RANBP17: variants seen among roughly 807,000 people sequenced by gnomAD.
RANBP17 encodes the protein ran-binding protein 17.
Under a neutral mutation model 141.2 loss-of-function variants are expected in RANBP17, and 158 were observed. That is an observed-to-expected ratio of 1.12 (90% CI 0.98 to 1.28). RANBP17 has a LOEUF of 1.28. Among genes scored for constraint, RANBP17 ranks in the 50% most tolerant of loss-of-function variants. The pLI is 0.00. For synonymous variants in RANBP17, 430 were observed against 450.0 expected (o/e 0.96, Z 0.56); for missense variants, 1,438 against 1,290.7 (o/e 1.11, Z -1.75).
intron 14 of RANBP17, among the ~76,000 whole-genome samples, chr5:171,046,205 CTTTT>C (rs1203505195): frequency 7.6e-6 from 1 of 131,360 alleles, no homozygotes; most frequent in Non-Finnish European, 1.6e-5. Context: ...ATAGTTCTGC[CTTTT>C]TTTTTTTTTT....
chr5:170,885,853 C>T (rs1581052520), intron 3 of RANBP17, among the ~76,000 whole-genome samples: 1 of 143,730 alleles, frequency 7.0e-6, no homozygotes, highest in Admixed American at 7.5e-5. Context: ...TATCTTGAAA[C>T]CCTTCACTCT....
At chr5:170,983,082 T>C (rs1410958571) in intron 14 of RANBP17, 1 of 513,586 alleles carries the variant, frequency 1.9e-6, no homozygotes, top group Admixed American at 2.3e-5. Flanking sequence ...CTGGAGACTG[T>C]ATACTACTCA....
At chr5:171,045,693 T>G (rs1356279947) in intron 14 of RANBP17, among the ~76,000 whole-genome samples, 1 of 152,184 alleles carries the variant, frequency 6.6e-6, no homozygotes, top group Non-Finnish European at 1.5e-5. Context: ...ATTCTTCTTT[T>G]AAAAATTAAT....
At chr5:171,149,568 G>C (rs147746545) in intron 14 of RANBP17, among the ~76,000 whole-genome samples, 7 of 152,166 alleles carry the variant, frequency 4.6e-5, no homozygotes, top group African/African-American at 1.7e-4. Flanking sequence ...GTAAAGACAC[G>C]CTATGATTGC....
intron 4 of RANBP17, among the ~76,000 whole-genome samples, chr5:170,892,868 A>C (rs1458201734): frequency 6.6e-6 from 1 of 152,208 alleles, no homozygotes. Flanking sequence ...TATGTAATTA[A>C]ATGTTCATCA....
intron 14 of RANBP17, among the ~76,000 whole-genome samples, chr5:170,974,169 G>A (rs1267511205): frequency 6.6e-6 from 1 of 152,128 alleles, no homozygotes; most frequent in Non-Finnish European, 1.5e-5. Flanking sequence ...TAAATGAGAT[G>A]TGGTTGAGAC....
chr5:171,186,428 T>A (rs1761240771), intron 18 of RANBP17, among the ~76,000 whole-genome samples: 1 of 151,962 alleles, frequency 6.6e-6, no homozygotes, highest in Admixed American at 6.6e-5. Flanking sequence ...CAACTTTTCT[T>A]CTGCAACTTC....
intron 22 of RANBP17, among the ~76,000 whole-genome samples, chr5:171,235,715 C>T (rs905320028): frequency 1.3e-5 from 2 of 152,096 alleles, no homozygotes; most frequent in African/African-American, 4.8e-5. Flanking sequence ...GATCCTCCCA[C>T]CTCGGCCTCC....
At chr5:171,252,230 TA>T (rs1765618678) in intron 24 of RANBP17, 1 of 1,573,884 alleles carries the variant, frequency 6.4e-7, no homozygotes, top group African/African-American at 1.4e-5. Flanking sequence ...GCTGATATTT[TA>T]CAAGAAGAGA....
At chr5:170,975,910 C>G (rs997801113) in intron 14 of RANBP17, among the ~76,000 whole-genome samples, 1 of 151,770 alleles carries the variant, frequency 6.6e-6, no homozygotes, top group Non-Finnish European at 1.5e-5. Context: ...CTCTTATGAT[C>G]GAGAGTAAGA....
intron 14 of RANBP17, among the ~76,000 whole-genome samples, chr5:171,037,863 T>G (rs1195846831): frequency 1.3e-5 from 2 of 152,172 alleles, no homozygotes; most frequent in African/African-American, 2.4e-5. Context: ...GATGAATGCC[T>G]CCAGATTTGT....
At chr5:171,035,972 A>C (rs909849524) in intron 14 of RANBP17, among the ~76,000 whole-genome samples, 1 of 151,662 alleles carries the variant, frequency 6.6e-6, no homozygotes, top group Admixed American at 6.6e-5. Flanking sequence ...CAGCTTACTA[A>C]ATCTCCACCT....
intron 16 of RANBP17, among the ~76,000 whole-genome samples, chr5:171,172,821 T>A (rs1050745832): frequency 1.3e-5 from 2 of 151,904 alleles, no homozygotes; most frequent in Non-Finnish European, 2.9e-5. Flanking sequence ...CTATTTAAGA[T>A]CTTTTTCTAT....
chr5:171,001,479 A>C (rs1267581310), intron 14 of RANBP17, among the ~76,000 whole-genome samples: 1 of 152,084 alleles, frequency 6.6e-6, no homozygotes, highest in Non-Finnish European at 1.5e-5. Context: ...TTTGGGGTAC[A>C]CTTCAAGTTG....
At chr5:171,258,596 A>G (rs115674073) in intron 24 of RANBP17, among the ~76,000 whole-genome samples, 1 of 152,326 alleles carries the variant, frequency 6.6e-6, no homozygotes, top group African/African-American at 2.4e-5. Flanking sequence ...CAGCCAACCG[A>G]TCTTCAACAA....
intron 12 of RANBP17, among the ~76,000 whole-genome samples, chr5:170,942,473 A>G (rs911920088): frequency 2.0e-5 from 3 of 152,216 alleles, no homozygotes; most frequent in Admixed American, 2.0e-4. Flanking sequence ...ATGTTTAATG[A>G]AAAGCAACTC....
intron 12 of RANBP17, among the ~76,000 whole-genome samples, chr5:170,941,649 G>A (rs187085941): frequency 8.0e-4 from 122 of 152,170 alleles, no homozygotes; most frequent in Non-Finnish European, 1.5e-3. Flanking sequence ...TAGGCATCTG[G>A]CAGAAAAACA....
At chr5:171,176,607 T>C (rs1760499064) in intron 16 of RANBP17, among the ~76,000 whole-genome samples, 1 of 152,204 alleles carries the variant, frequency 6.6e-6, no homozygotes. Flanking sequence ...TTTATTAATA[T>C]AGTTTCTATT....
At chr5:170,955,384 AT>A (rs1363862938) in intron 13 of RANBP17, among the ~76,000 whole-genome samples, 3 of 149,698 alleles carry the variant, frequency 2.0e-5, no homozygotes, top group Non-Finnish European at 4.4e-5. Context: ...TTTTATATCT[AT>A]ATTGATTATA....
Sources: gnomAD v4.1 joint callset for allele counts (sites outside exome capture counted in the v4.1 genomes callset) on GRCh38, gnomAD v4.1.1 for gene constraint, MANE v1.5 for transcripts, NCBI Gene and HGNC (gene_info 2026-07-23, HGNC 2026-07-21) for gene names.